The following RUNDC3A variants were observed in gnomAD, a reference collection of about 807,000 sequenced individuals.
The protein encoded by RUNDC3A is RUN domain-containing protein 3A.
In RUNDC3A, 28 loss-of-function variants were observed where a neutral mutation model predicts 53.9. The ratio of observed to expected loss-of-function variants is 0.52; its 90% CI spans 0.38 to 0.71. RUNDC3A has a LOEUF of 0.71. Among genes scored for constraint, RUNDC3A ranks in the 30% least tolerant of loss-of-function variants. RUNDC3A has a pLI of 0.00. For missense variants in RUNDC3A, 491 were observed against 597.3 expected (o/e 0.82, Z 1.85); for synonymous variants, 232 against 249.4 (o/e 0.93, Z 0.66).
intron 1 of RUNDC3A, chr17:44,310,699 C>G (rs2047732827): frequency 1.0e-6 from 1 of 985,608 alleles, no homozygotes; most frequent in Non-Finnish European, 1.2e-6. Flanking sequence ...GCCACTGCAT[C>G]TCCTATCAGG....
chr17:44,313,525 A>G, intron 4 of RUNDC3A, 22 bp downstream of exon 4: 1 of 1,602,476 alleles, frequency 6.2e-7, no homozygotes, highest in Non-Finnish European at 8.5e-7. Context: ...CAGGCAACTC[A>G]GACCACAGGT....
intron 1 of RUNDC3A, chr17:44,309,753 C>A: frequency 6.5e-6 from 1 of 152,760 alleles, no homozygotes. Flanking sequence ...TCCCCTGGCC[C>A]CCATGCCTAT....
Position 44,315,662 on chromosome 17 carries a change from C to A in RUNDC3A, c.953+53C>A. 1 of 1,336,636 alleles carries A rather than the reference C, an allele frequency of 7.5e-7. No homozygotes were observed. The highest frequency in any genetic ancestry group is 1.5e-5 in the African/African-American group (1 of 65,114). 82.8% of individuals were successfully genotyped at this position (1,336,636 alleles called of 1,614,324 possible). A position where few individuals can be genotyped will look rare whatever the true frequency, so the allele number is the denominator to read the frequency against. On this transcript the variant is annotated intron_variant, in intron 8 of 10. Coordinates refer to ENST00000426726, the MANE Select transcript of RUNDC3A (RefSeq NM_001144825.2). The surrounding 1 kb of genome is among the most constrained non-coding windows in gnomAD (Gnocchi z 6.1). ...GACCCCCGCCGCCCCGACCACATCA[C>A]CGGGTGAACCCCATCTTCACTTCCA...
chr17:44,309,402 T>C lies in RUNDC3A; in HGVS notation c.107+463T>C, dbSNP rs1299953695. 3.3e-5 allele frequency among the ~76,000 whole-genome samples: 5 copies of C among 151,810 alleles called. No homozygotes were observed. The East Asian group carries it at 9.7e-4, about 29-fold the overall frequency. The stretch of plus-strand genomic sequence containing the variant: ...GATTCTGGAGCAGGGATGGGCAGGG[T>C]CAATTGGGCATGGGGTCAGAGCCCA... On this transcript the variant is annotated intron_variant, in intron 1 of 10. Transcript: ENST00000426726.
chr17:44,315,650 C>T lies in RUNDC3A; in HGVS notation c.953+41C>T. 2 of 1,364,112 alleles carry T rather than the reference C, an allele frequency of 1.5e-6. No homozygotes were observed. The highest frequency in any genetic ancestry group is 1.7e-5 in the South Asian group (1 of 58,252). 84.5% of individuals were successfully genotyped at this position (1,364,112 alleles called of 1,614,324 possible). A position where few individuals can be genotyped will look rare whatever the true frequency, so the allele number is the denominator to read the frequency against. On this transcript the variant is annotated intron_variant, in intron 8 of 10. Coordinates refer to ENST00000426726, the MANE Select transcript of RUNDC3A (RefSeq NM_001144825.2). This position sits in a 1 kb window ranked among gnomAD's most constrained non-coding sequence, Gnocchi z 6.1. ...GCCCTAACCCCTGACCCCCGCCGCC[C>T]CGACCACATCACCGGGTGAACCCCA...
rs1218028461 is a variant in RUNDC3A, at chr17:44,312,700, G to A, written c.223+5G>A. On this transcript the variant is annotated splice_donor_5th_base_variant and intron_variant, in intron 2 of 10. Coordinates refer to ENST00000426726, the MANE Select transcript of RUNDC3A (RefSeq NM_001144825.2). ...TCCTCAGCCACCGCTTCAAAGGTGG[G>A]CCCAGCGCCCCTCCCCCAGCGGTCC... 9 of 1,482,262 alleles carry A rather than the reference G, an allele frequency of 6.1e-6. No homozygotes were observed. Among genetic ancestry groups the A allele is most frequent in the Non-Finnish European group, 8.2e-6 (9 of 1,099,924 alleles). The allele number at this position is 1,482,262 out of a possible 1,614,324, so 91.8% of individuals were successfully genotyped here.
chr17:44,315,691 A>G lies in RUNDC3A; in HGVS notation c.953+82A>G. The G allele has an allele frequency of 8.0e-7, 1 of 1,245,688 alleles. No individual in the cohort carries two copies. The highest frequency in any genetic ancestry group is 1.0e-6 in the Non-Finnish European group (1 of 962,658). The allele number at this position is 1,245,688 out of a possible 1,614,324, so 77.2% of individuals were successfully genotyped here. ...GTGAACCCCATCTTCACTTCCATCG[A>G]CTCTAACATCACCCGACACGAGCAC... On this transcript the variant is annotated intron_variant, in intron 8 of 10. Coordinates refer to ENST00000426726, the MANE Select transcript of RUNDC3A (RefSeq NM_001144825.2). The surrounding 1 kb of genome is among the most constrained non-coding windows in gnomAD (Gnocchi z 6.1).
In RUNDC3A at chr17:44,313,542, G is replaced by A. The variant is rs1479694529; in HGVS notation, c.458+39G>A. 2.5e-6 allele frequency: 4 copies of A among 1,592,650 alleles called. 1 individual carries two copies. In the South Asian group the frequency reaches 4.5e-5, roughly 18 times the overall value. On this transcript the variant is annotated intron_variant, in intron 4 of 10. Coordinates refer to ENST00000426726, the MANE Select transcript of RUNDC3A (RefSeq NM_001144825.2). ...GGCAACTCAGACCACAGGTCTCAGA[G>A]TGCACCTGCATTGCCCAAACACAGC...
At chr17:44,316,790 TCAAGGCA>T in intron 10 of RUNDC3A, 65 bp downstream of exon 10, 1 of 791,268 alleles carries the variant, frequency 1.3e-6, no homozygotes, top group Non-Finnish European at 2.0e-6. Context: ...CCCTGAGGCC[TCAAGGCA>T]TGTCCTCATT....
intron 4 of RUNDC3A, chr17:44,314,430 A>C: frequency 7.8e-7 from 1 of 1,281,288 alleles, no homozygotes; most frequent in Non-Finnish European, 9.9e-7. Flanking sequence ...CACCTACTGT[A>C]TACCAAGCAC....
In RUNDC3A at chr17:44,318,254, G is replaced by A. The variant is rs992311925; in HGVS notation, c.*16G>A. ...CCCCAGCTGAGGAACAGCATGGGCA[G>A]TGCCAGCCCCACCTGCCAGGGGCCA... is the stretch of plus-strand genomic sequence containing the variant. On this transcript the variant is annotated 3_prime_UTR_variant, in exon 11 of 11. Coordinates refer to ENST00000426726, the MANE Select transcript of RUNDC3A (RefSeq NM_001144825.2). The A allele has an allele frequency of 1.3e-6, 2 of 1,540,624 alleles. No individual in the cohort carries two copies. The highest frequency in any genetic ancestry group is 1.8e-6 in the Non-Finnish European group (2 of 1,138,988).
chr17:44,314,686 G>GA, intron 4 of RUNDC3A, 49 bp from the exon 5 acceptor site: 2 of 1,187,914 alleles, frequency 1.7e-6, no homozygotes, highest in Non-Finnish European at 2.3e-6. Context: ...GGGGGGGGGG[G>GA]GGCGCTCCAG....
chr17:44,316,935 G>T, intron 10 of RUNDC3A: 1 of 484,330 alleles, frequency 2.1e-6, no homozygotes, highest in Non-Finnish European at 3.6e-6. Context: ...GGATTCCCTT[G>T]CCTCAGCCTC....
At chr17:44,312,951 G>T (rs2047779227) in intron 2 of RUNDC3A, among the ~76,000 whole-genome samples, 153 bp from the exon 3 acceptor site, 1 of 152,252 alleles carries the variant, frequency 6.6e-6, no homozygotes, top group Non-Finnish European at 1.5e-5. Flanking sequence ...TCATGGGCAA[G>T]CGATATGCTG....
Position 44,313,103 on chromosome 17 carries a change from G to A in RUNDC3A, c.224-1G>A, listed in dbSNP as rs945945272. ...TGAGCCCCCTCCCTGCCCTGGCTCA[G>A]CCTGTGCCCCAGCAGGTCCAGTGAG... On this transcript the variant is annotated splice_acceptor_variant, in intron 2 of 10. Coordinates refer to ENST00000426726, the MANE Select transcript of RUNDC3A (RefSeq NM_001144825.2). LOFTEE classifies it high-confidence loss of function. The A allele has an allele frequency of 1.1e-5, 18 of 1,613,832 alleles. No homozygotes were observed. Among genetic ancestry groups the A allele is most frequent in the Non-Finnish European group, 1.5e-5 (18 of 1,179,722 alleles).
intron 10 of RUNDC3A, chr17:44,317,388 A>G (rs764669878): frequency 2.6e-6 from 2 of 768,062 alleles, no homozygotes; most frequent in Non-Finnish European, 4.9e-6. Flanking sequence ...GGGGCTCACA[A>G]ACTCTCGGGG....
In RUNDC3A at chr17:44,318,091, C is replaced by T; in HGVS notation, c.1199-5C>T. On this transcript the variant is annotated splice_region_variant and splice_polypyrimidine_tract_variant and intron_variant, in intron 10 of 10. Transcript: ENST00000426726. ...CGCTTGGCCTCACCTGCCCTCTCTC[C>T]CCAGGGAAGGACCCCACGCCCTCCA... The T allele has an allele frequency of 6.4e-7, 1 of 1,551,114 alleles. No homozygotes were observed.
intron 1 of RUNDC3A, chr17:44,311,016 A>C: frequency 1.0e-6 from 1 of 985,478 alleles, no homozygotes; most frequent in Non-Finnish European, 1.2e-6. Flanking sequence ...GTAATGAGGC[A>C]GGTACGATTG....
intron 4 of RUNDC3A, chr17:44,314,051 C>G (rs576042906): frequency 4.0e-6 from 4 of 992,898 alleles, no homozygotes; most frequent in Non-Finnish European, 4.8e-6. Flanking sequence ...ATGCCCAGCA[C>G]GCTCCACCCT....
Sources: allele counts gnomAD v4.1 joint callset (sites outside exome capture counted in the v4.1 genomes callset), GRCh38; gene constraint gnomAD v4.1.1; non-coding constraint Gnocchi (gnomAD v3.1); transcripts MANE v1.5; gene names NCBI Gene and HGNC (gene_info 2026-07-23, HGNC 2026-07-21).